C14orf39: variants seen among roughly 807,000 people sequenced by gnomAD.
C14orf39 encodes protein SIX6OS1.
A neutral mutation model predicts 85.6 loss-of-function variants in C14orf39; 66 were observed. The ratio of observed to expected loss-of-function variants is 0.77; its 90% CI spans 0.63 to 0.95. The LOEUF (loss-of-function observed/expected upper bound fraction) is 0.95, where lower values mean the gene tolerates loss of function less well. Ranked by LOEUF, C14orf39 falls within the 40% of genes least tolerant of loss-of-function variation. The pLI is 0.00. For synonymous variants in C14orf39, 242 were observed against 214.0 expected (o/e 1.13, Z -1.14); for missense variants, 735 against 663.9 (o/e 1.11, Z -1.18).
rs147925448 is a variant in C14orf39 at position 60,465,080 on chromosome 14, A to G, written c.972+899T>C. Among the ~76,000 whole-genome samples, 19 of 152,226 alleles carry G rather than the reference A, an allele frequency of 1.2e-4. No individual in the cohort carries two copies. In the East Asian group the frequency reaches 3.5e-3, roughly 28 times the overall value. ...CAATGTATAGAGTTCATCAGCGTTCATATCTTCTCCCTACCTCTATCCTTA... is the reference window on the plus strand; with the variant it reads ...CAATGTATAGAGTTCATCAGCGTTCGTATCTTCTCCCTACCTCTATCCTTA... On this transcript the variant is annotated intron_variant, in intron 11 of 17. Coordinates refer to ENST00000321731, the MANE Select transcript of C14orf39 (RefSeq NM_174978.3).
upstream of C14orf39, among the ~76,000 whole-genome samples, chr14:60,488,982 A>G (rs1332411461): frequency 1.3e-5 from 2 of 151,852 alleles, no homozygotes; most frequent in African/African-American, 2.4e-5. Flanking sequence ...CACCATCACC[A>G]TGGACTCTAA....
In C14orf39 at chr14:60,471,418, T is replaced by A; in HGVS notation, c.553A>T (p.Ile185Phe). The A allele has an allele frequency of 6.3e-7, 1 of 1,589,078 alleles. No homozygotes were observed. Among genetic ancestry groups the A allele is most frequent in the Non-Finnish European group, 8.6e-7 (1 of 1,166,522 alleles). Residue 185 changes from isoleucine (I) to phenylalanine (F), a missense_variant and splice_region_variant, in exon 7 of 18, where the codon ATT (isoleucine) becomes TTT (phenylalanine). Physicochemically the swap from Ile to Phe is conservative, Grantham distance 21. Coordinates refer to ENST00000321731, the MANE Select transcript of C14orf39 (RefSeq NM_174978.3). ...FPSLTKWTLN[I>F]VNLRCETQDI... ...AAGTACAAATACTATTGTGGATACA[T>A]GTTTAAAGTCCATTTAGTAAGTGAT...
At chr14:60,445,747 A>G (rs1301581142) in intron 16 of C14orf39, among the ~76,000 whole-genome samples, 2 of 152,232 alleles carry the variant, frequency 1.3e-5, no homozygotes, top group African/African-American at 4.8e-5. Context: ...AACCCAAATC[A>G]ACAGAATATA....
chr14:60,503,207 C>A (rs1893167054), intron 1 of C14orf39, among the ~76,000 whole-genome samples: 1 of 152,186 alleles, frequency 6.6e-6, no homozygotes, highest in Non-Finnish European at 1.5e-5. Context: ...CCAGACTCCA[C>A]CAGTTTCCAC....
chr14:60,438,046 T>C (rs1051554662), intron 17 of C14orf39, among the ~76,000 whole-genome samples: 2 of 151,882 alleles, frequency 1.3e-5, no homozygotes, highest in African/African-American at 2.4e-5. Flanking sequence ...AAATATGTAC[T>C]TGAAACAAGT....
chr14:60,457,749 C>T (rs1334653428), intron 14 of C14orf39, among the ~76,000 whole-genome samples: 1 of 151,852 alleles, frequency 6.6e-6, no homozygotes, highest in Non-Finnish European at 1.5e-5. Context: ...CTTATTTTAA[C>T]CTTTAATAGT....
intron 1 of C14orf39, among the ~76,000 whole-genome samples, chr14:60,485,359 G>T (rs1343704940): frequency 6.6e-6 from 1 of 152,188 alleles, no homozygotes; most frequent in African/African-American, 2.4e-5. Context: ...CCGCTTATGC[G>T]TGGGATTGCA....
chr14:60,451,913 T>C lies in C14orf39; in HGVS notation c.1503+3088A>G, dbSNP rs536745964. On this transcript the variant is annotated intron_variant, in intron 16 of 17. Coordinates refer to ENST00000321731, the MANE Select transcript of C14orf39 (RefSeq NM_174978.3). ...AGATAGAATCTCAGGCTGGGCATGG[T>C]GGCTCACGCCTGTAATCCCAGCACT... 6.3e-4 allele frequency among the ~76,000 whole-genome samples: 96 copies of C among 152,032 alleles called. 1 individual carries two copies. Among genetic ancestry groups the C allele is most frequent in the Non-Finnish European group, 1.0e-3 (71 of 67,962 alleles).
At chr14:60,485,718 C>T (rs958018443) in intron 1 of C14orf39, among the ~76,000 whole-genome samples, 4 of 152,134 alleles carry the variant, frequency 2.6e-5, no homozygotes, top group Non-Finnish European at 5.9e-5. Flanking sequence ...GACTCCCACC[C>T]TCACAGCCTC....
chr14:60,462,145 C>T (rs1447819253), intron 11 of C14orf39, among the ~76,000 whole-genome samples: 2 of 151,834 alleles, frequency 1.3e-5, no homozygotes, highest in South Asian at 2.1e-4. Context: ...GGACTGAGGC[C>T]GGAGGATCAC....
chr14:60,509,384 G>T (rs751549758), intron 1 of C14orf39: 15 of 1,598,500 alleles, frequency 9.4e-6, no homozygotes, highest in Admixed American at 5.0e-5. Context: ...CCTCGCCGCC[G>T]CCGGCACTGC....
chr14:60,511,868 C>T (rs1893299451), intron 1 of C14orf39: 1 of 157,870 alleles, frequency 6.3e-6, no homozygotes, highest in South Asian at 1.8e-4. Flanking sequence ...CTTCACCAGG[C>T]ATGCAGGGAC....
chr14:60,493,993 T>G (rs1458102600), intron 2 of C14orf39: 3 of 182,232 alleles, frequency 1.6e-5, no homozygotes, highest in Admixed American at 5.8e-5. Flanking sequence ...AGACAGTACA[T>G]CATTCACAAT....
chr14:60,513,358 G>A (rs903570412), intron 1 of C14orf39, among the ~76,000 whole-genome samples: 1 of 152,166 alleles, frequency 6.6e-6, no homozygotes, highest in Admixed American at 6.5e-5. Context: ...TGCTAACGAG[G>A]GGCTGGCGAG....
chr14:60,453,427 C>T (rs991939202), intron 16 of C14orf39, among the ~76,000 whole-genome samples: 4 of 151,196 alleles, frequency 2.6e-5, no homozygotes, highest in Non-Finnish European at 5.9e-5. Flanking sequence ...ACTGTCAACC[C>T]GTCTTTGCCT....
At chr14:60,467,983 T>C (rs1347560485) in intron 9 of C14orf39, among the ~76,000 whole-genome samples, 2 of 151,600 alleles carry the variant, frequency 1.3e-5, no homozygotes, top group African/African-American at 4.8e-5. Flanking sequence ...TTTATCGCCA[T>C]TAAAACAAAA....
intron 4 of C14orf39, among the ~76,000 whole-genome samples, chr14:60,481,416 G>C (rs1892633151): frequency 6.6e-6 from 1 of 152,080 alleles, no homozygotes; most frequent in African/African-American, 2.4e-5. Flanking sequence ...CAGCACTTTG[G>C]GAGGCCGAAG....
At chr14:60,437,152 A>T in intron 17 of C14orf39, 105 bp from the exon 18 acceptor site, 19 of 740,966 alleles carry the variant, frequency 2.6e-5, no homozygotes, top group Non-Finnish European at 4.3e-5. Flanking sequence ...GTAACACTGA[A>T]TCAGTGTTAC....
chr14:60,510,932 TC>T (rs1455802235), intron 1 of C14orf39: 61 of 782,186 alleles, frequency 7.8e-5, no homozygotes, highest in Non-Finnish European at 9.2e-5. Context: ...CTGCCCGACC[TC>T]TGTCGCCTTG....
Sources: allele counts gnomAD v4.1 joint callset (sites outside exome capture counted in the v4.1 genomes callset), GRCh38; gene constraint gnomAD v4.1.1; transcripts MANE v1.5; gene names NCBI Gene and HGNC (gene_info 2026-07-23, HGNC 2026-07-21).